Variants in DKK2 observed in about 807,000 individuals in gnomAD.
DKK2 encodes dickkopf-related protein 2.
A neutral mutation model predicts 28.1 loss-of-function variants in DKK2; 11 were observed. That is an observed-to-expected ratio of 0.39 (90% CI 0.25 to 0.65). The LOEUF (loss-of-function observed/expected upper bound fraction) is 0.65. Ranked by LOEUF, DKK2 falls within the 30% of genes least tolerant of loss-of-function variation. DKK2 has a pLI of 0.47. For synonymous variants in DKK2, 135 were observed against 126.5 expected, an observed-to-expected ratio of 1.07 and a Z score of -0.45; for missense variants, 326 against 335.5, an observed-to-expected ratio of 0.97 and a Z score of 0.22.
chr4:107,034,895 A>G (rs1483432238), intron 1 of DKK2, among the ~76,000 whole-genome samples: 1 of 152,196 alleles, frequency 6.6e-6, no homozygotes, highest in African/African-American at 2.4e-5. Context: ...TCGTTAATCA[A>G]TCCGTGCCTC....
chr4:106,929,257 A>T (rs1724467011), intron 1 of DKK2, among the ~76,000 whole-genome samples: 1 of 152,206 alleles, frequency 6.6e-6, no homozygotes, highest in African/African-American at 2.4e-5. Flanking sequence ...AATTGTTAAT[A>T]GTGCATTCTC....
At chr4:106,948,393 T>C (rs557350826) in intron 1 of DKK2, among the ~76,000 whole-genome samples, 2 of 152,146 alleles carry the variant, frequency 1.3e-5, no homozygotes, top group African/African-American at 4.8e-5. Context: ...CTGCACCACA[T>C]TGAATTTCCC....
At chr4:106,972,056 C>T (rs77850537) in intron 1 of DKK2, among the ~76,000 whole-genome samples, 3,230 of 152,186 alleles carry the variant, frequency 0.021, 119 homozygotes, top group African/African-American at 0.074. Flanking sequence ...ATAAAGGCCT[C>T]AGGCCAGTAA....
chr4:106,991,176 C>A (rs1430598859), intron 1 of DKK2, among the ~76,000 whole-genome samples: 1 of 152,080 alleles, frequency 6.6e-6, no homozygotes, highest in Non-Finnish European at 1.5e-5. Context: ...AGTATATTGA[C>A]AAAATTGAAG....
Position 107,024,422 on chromosome 4 carries a change from A to G in DKK2, c.222+10948T>C, listed in dbSNP as rs1478750997. 3.9e-5 allele frequency among the ~76,000 whole-genome samples: 6 copies of G among 152,326 alleles called. No individual in the cohort carries two copies. The South Asian group carries it at 8.3e-4, about 21-fold the overall frequency. On this transcript the variant is annotated intron_variant, in intron 1 of 3. Transcript: ENST00000285311. ...TATGACTACTGATACTAATTTTTAA[A>G]ACAAATCCAAGAAAATCAAAACAAA...
chr4:106,961,865 T>C (rs1722689785), intron 1 of DKK2, among the ~76,000 whole-genome samples: 1 of 152,172 alleles, frequency 6.6e-6, no homozygotes, highest in African/African-American at 2.4e-5. Flanking sequence ...TGATGTATTA[T>C]GACATACGCA....
At chr4:106,955,137 T>C (rs528898846) in intron 1 of DKK2, among the ~76,000 whole-genome samples, 1 of 152,310 alleles carries the variant, frequency 6.6e-6, no homozygotes, top group African/African-American at 2.4e-5. Context: ...TAATGTTAAT[T>C]ATCTTAAAAA....
intron 1 of DKK2, among the ~76,000 whole-genome samples, chr4:106,985,992 A>G (rs971297289): frequency 6.6e-6 from 1 of 152,126 alleles, no homozygotes; most frequent in Admixed American, 6.6e-5. Context: ...TTCAGATCTC[A>G]GCCAGCCTAA....
intron 1 of DKK2, among the ~76,000 whole-genome samples, chr4:107,033,787 T>A (rs1316910234): frequency 6.6e-6 from 1 of 152,158 alleles, no homozygotes; most frequent in Non-Finnish European, 1.5e-5. Flanking sequence ...CACCCATTCT[T>A]TCTAATCCCT....
At chr4:107,013,234 CTT>C (rs1261979419) in intron 1 of DKK2, among the ~76,000 whole-genome samples, 2 of 151,388 alleles carry the variant, frequency 1.3e-5, no homozygotes, top group African/African-American at 2.4e-5. Flanking sequence ...ACAAAGCACT[CTT>C]GAGCAAAAAG....
chr4:106,961,633 C>T (rs541703945), intron 1 of DKK2, among the ~76,000 whole-genome samples: 13 of 150,530 alleles, frequency 8.6e-5, no homozygotes, highest in African/African-American at 2.9e-4. Context: ...AGACTTTCTT[C>T]GTAAACATGG....
chr4:106,938,430 A>G (rs774128616), intron 1 of DKK2, among the ~76,000 whole-genome samples: 1 of 152,202 alleles, frequency 6.6e-6, no homozygotes, highest in Non-Finnish European at 1.5e-5. Flanking sequence ...AAGAAGTTGA[A>G]TCTCTGAATA....
At chr4:106,978,861 G>C (rs1722983857) in intron 1 of DKK2, among the ~76,000 whole-genome samples, 1 of 151,752 alleles carries the variant, frequency 6.6e-6, no homozygotes, top group Non-Finnish European at 1.5e-5. Context: ...TCCCAGTTTT[G>C]TGCTTGAAAC....
intron 1 of DKK2, among the ~76,000 whole-genome samples, chr4:106,978,787 T>G (rs1722982300): frequency 6.9e-6 from 1 of 145,850 alleles, no homozygotes; most frequent in Admixed American, 7.2e-5. Flanking sequence ...CACTGGGGTA[T>G]GATAAAAAAG....
At chr4:106,985,448 A>T (rs1424563135) in intron 1 of DKK2, among the ~76,000 whole-genome samples, 1 of 152,054 alleles carries the variant, frequency 6.6e-6, no homozygotes, top group Non-Finnish European at 1.5e-5. Context: ...GGTACACCGG[A>T]TGTCTTTACA....
intron 1 of DKK2, among the ~76,000 whole-genome samples, chr4:106,957,170 C>T (rs1402501932): frequency 1.3e-5 from 2 of 152,062 alleles, no homozygotes; most frequent in Non-Finnish European, 2.9e-5. Flanking sequence ...CATCACTGGC[C>T]ATCAGAGAAA....
At chr4:106,957,685 T>C (rs1214613674) in intron 1 of DKK2, among the ~76,000 whole-genome samples, 3 of 132,116 alleles carry the variant, frequency 2.3e-5, no homozygotes, top group Non-Finnish European at 4.6e-5. Context: ...TTCTCACTCA[T>C]AGATGGGAAT....
At chr4:106,932,393 C>T (rs982109843) in intron 1 of DKK2, among the ~76,000 whole-genome samples, 1 of 152,132 alleles carries the variant, frequency 6.6e-6, no homozygotes, top group African/African-American at 2.4e-5. Context: ...CTGTTCTCTG[C>T]ATGTCATTAA....
At chr4:107,002,786 T>C (rs1337989486) in intron 1 of DKK2, among the ~76,000 whole-genome samples, 2 of 152,200 alleles carry the variant, frequency 1.3e-5, no homozygotes, top group African/African-American at 4.8e-5. Context: ...TGGAATAATG[T>C]GGATGCTTTT....
Sources: allele counts gnomAD v4.1 joint callset (sites outside exome capture counted in the v4.1 genomes callset), GRCh38; gene constraint gnomAD v4.1.1; transcripts MANE v1.5; gene names NCBI Gene and HGNC (gene_info 2026-07-23, HGNC 2026-07-21).